IPCEF1: variants seen among roughly 807,000 people sequenced by gnomAD.
IPCEF1 encodes interaction protein for cytohesin exchange factors 1.
IPCEF1 carries 31 observed loss-of-function variants against 50.9 expected under a neutral mutation model. That is an observed-to-expected ratio of 0.61 (90% CI 0.46 to 0.82). IPCEF1 has a LOEUF of 0.82. Ranked by LOEUF, IPCEF1 falls within the 40% of genes least tolerant of loss-of-function variation. The pLI is 0.00. For synonymous variants in IPCEF1, 181 were observed against 192.0 expected (o/e 0.94, Z 0.47); for missense variants, 458 against 514.0 (o/e 0.89, Z 1.05).
chr6:154,164,619 G>T (rs978014402), intron 11 of IPCEF1, among the ~76,000 whole-genome samples: 1 of 152,168 alleles, frequency 6.6e-6, no homozygotes, highest in Non-Finnish European at 1.5e-5. Context: ...AGAGAATGCT[G>T]TACTTTCAGT....
intron 9 of IPCEF1, among the ~76,000 whole-genome samples, chr6:154,202,115 C>G (rs1199040030): frequency 6.6e-6 from 1 of 152,098 alleles, no homozygotes; most frequent in Non-Finnish European, 1.5e-5. Flanking sequence ...TAATGTGTAC[C>G]CAATCAGTTC....
chr6:154,188,880 T>C (rs1285346113), intron 10 of IPCEF1, among the ~76,000 whole-genome samples: 2 of 152,158 alleles, frequency 1.3e-5, no homozygotes, highest in Admixed American at 6.5e-5. Context: ...CTAACGTTTA[T>C]AAAATATGGA....
At position 154,158,298 on chromosome 6, in the gene IPCEF1, T is replaced by C. The variant is rs1798795183; in HGVS notation, c.*1530A>G. On this transcript the variant is annotated 3_prime_UTR_variant, in exon 12 of 12. Coordinates refer to ENST00000367220, the MANE Select transcript of IPCEF1 (RefSeq NM_001130700.2). ...GCCAACATGGGTACTTGGTGGGTTG[T>C]GGTTATTCCTATGGTGAGAAATATT... is the stretch of plus-strand genomic sequence containing the variant. 1 of 152,204 alleles carries C rather than the reference T, an allele frequency of 6.6e-6. No homozygotes were observed. Among genetic ancestry groups the C allele is most frequent in the Non-Finnish European group, 1.5e-5 (1 of 68,036 alleles). 9.4% of individuals were successfully genotyped at this position (152,204 alleles called of 1,614,324 possible).
At chr6:154,237,949 T>G (rs368959093) in intron 5 of IPCEF1, among the ~76,000 whole-genome samples, 1 of 152,368 alleles carries the variant, frequency 6.6e-6, no homozygotes, top group South Asian at 2.1e-4. Context: ...TGTGCACTTA[T>G]GTACTCTATT....
chr6:154,208,052 A>G (rs1156741093), intron 9 of IPCEF1, among the ~76,000 whole-genome samples: 1 of 152,000 alleles, frequency 6.6e-6, no homozygotes, highest in African/African-American at 2.4e-5. Context: ...CCTACCTCCC[A>G]CTTCCCAGTG....
chr6:154,192,233 G>A (rs1367433888), intron 10 of IPCEF1, among the ~76,000 whole-genome samples: 1 of 151,904 alleles, frequency 6.6e-6, no homozygotes. Flanking sequence ...TTCAGCATGG[G>A]TGAGCACTCT....
chr6:154,294,523 C>T (rs550024704), intron 1 of IPCEF1, among the ~76,000 whole-genome samples: 12 of 152,172 alleles, frequency 7.9e-5, no homozygotes, highest in Middle Eastern at 6.8e-3. Flanking sequence ...CGAGAACCTT[C>T]GACTGGCCTG....
intron 5 of IPCEF1, among the ~76,000 whole-genome samples, chr6:154,241,810 A>C (rs1780620309): frequency 6.6e-6 from 1 of 152,156 alleles, no homozygotes; most frequent in African/African-American, 2.4e-5. Context: ...GCTCAAGAAT[A>C]GGCAGTGGCT....
intron 2 of IPCEF1, among the ~76,000 whole-genome samples, chr6:154,274,610 A>G (rs1245761618): frequency 6.6e-6 from 1 of 152,212 alleles, no homozygotes; most frequent in Non-Finnish European, 1.5e-5. Context: ...TCTTGGAGGT[A>G]CAAAGCTCCC....
At chr6:154,298,838 TG>T (rs1189135644) in intron 1 of IPCEF1, among the ~76,000 whole-genome samples, 2 of 151,922 alleles carry the variant, frequency 1.3e-5, no homozygotes, top group African/African-American at 4.8e-5. Context: ...GGCGCATGCC[TG>T]TAATCCCAAG....
Position 154,156,938 on chromosome 6 carries a change from A to G in IPCEF1, c.*2890T>C, listed in dbSNP as rs1798741174. 2 of 152,264 alleles carry G rather than the reference A, an allele frequency of 1.3e-5. No individual in the cohort carries two copies. The highest frequency in any genetic ancestry group is 4.8e-5 in the African/African-American group (2 of 41,426). The allele number at this position is 152,264 out of a possible 1,614,324, so 9.4% of individuals were successfully genotyped here. A position where few individuals can be genotyped will look rare whatever the true frequency, so the allele number is the denominator to read the frequency against. ...TAGCAGGTGCCACAGATTTGGATCT[A>G]CGTGTGCTGAGAGATTCTCCACTTC... On this transcript the variant is annotated 3_prime_UTR_variant, in exon 12 of 12. Transcript: ENST00000367220.
At chr6:154,317,548 C>CAAAAAAAAAAAAAAA (rs71021041) in intron 1 of IPCEF1, among the ~76,000 whole-genome samples, 1 of 16,314 alleles carries the variant, frequency 6.1e-5, no homozygotes, top group Non-Finnish European at 9.6e-5. Context: ...GACTCCATCT[C>CAAAAAAAAAAAAAAA]AAAAAAAAAA....
At chr6:154,200,360 A>T (rs1776961716) in intron 9 of IPCEF1, among the ~76,000 whole-genome samples, 1 of 152,236 alleles carries the variant, frequency 6.6e-6, no homozygotes, top group African/African-American at 2.4e-5. Context: ...ACTGCATTAC[A>T]CTTTGAGCAA....
chr6:154,330,078 A>G (rs74488551), intron 1 of IPCEF1: 3,443 of 152,338 alleles, frequency 0.023, 62 homozygotes, highest in Non-Finnish European at 0.033. Flanking sequence ...AGAAGACTAC[A>G]TGTGGGCTTA....
At chr6:154,315,048 C>CT (rs2128683080) in intron 1 of IPCEF1, among the ~76,000 whole-genome samples, 1 of 152,144 alleles carries the variant, frequency 6.6e-6, no homozygotes, top group East Asian at 1.9e-4. Flanking sequence ...GACCAGCTAA[C>CT]TTTTTTGTAT....
rs747698498 is a variant in IPCEF1 at position 154,160,043 on chromosome 6, G to T, written c.1105-3C>A. 7 of 1,603,574 alleles carry T rather than the reference G, an allele frequency of 4.4e-6. No individual in the cohort carries two copies. The highest frequency in any genetic ancestry group is 6.0e-6 in the Non-Finnish European group (7 of 1,176,388). On this transcript the variant is annotated splice_region_variant and splice_polypyrimidine_tract_variant and intron_variant, in intron 11 of 11. Transcript: ENST00000367220. ...ATGGCCAGATCATGTTCTTTACACTGTGTGAGTAGAAAAAAAGGGGAAGGG... is the reference window on the plus strand; with the variant it reads ...ATGGCCAGATCATGTTCTTTACACTTTGTGAGTAGAAAAAAAGGGGAAGGG...
chr6:154,258,656 A>G (rs1317806767), intron 3 of IPCEF1, among the ~76,000 whole-genome samples: 4 of 151,944 alleles, frequency 2.6e-5, no homozygotes, highest in Admixed American at 1.3e-4. Flanking sequence ...TTTCCTCTCT[A>G]TCTCCACTAT....
At chr6:154,218,525 T>TC (rs1356254787) in intron 7 of IPCEF1, among the ~76,000 whole-genome samples, 1 of 151,974 alleles carries the variant, frequency 6.6e-6, no homozygotes, top group African/African-American at 2.4e-5. Context: ...ACCCACTCCC[T>TC]CCCCCACACC....
intron 4 of IPCEF1, 32 bp from the exon 5 acceptor site, chr6:154,246,792 T>C: frequency 6.2e-7 from 1 of 1,605,896 alleles, no homozygotes; most frequent in Non-Finnish European, 8.5e-7. Flanking sequence ...GTAGATAATG[T>C]ATTACCCTGA....
Sources: allele counts gnomAD v4.1 joint callset (sites outside exome capture counted in the v4.1 genomes callset), GRCh38; gene constraint gnomAD v4.1.1; transcripts MANE v1.5; gene names NCBI Gene and HGNC (gene_info 2026-07-23, HGNC 2026-07-21).